The following ZNF385D variants were observed in gnomAD, a reference collection of about 807,000 sequenced individuals.
The protein encoded by ZNF385D is zinc finger protein 385D, also known as zinc finger protein 659.
Under a neutral mutation model 35.8 loss-of-function variants are expected in ZNF385D, and 15 were observed. The observed-to-expected ratio is 0.42, with a 90% CI of 0.28 to 0.64. ZNF385D has a LOEUF of 0.64. Ranked by LOEUF, ZNF385D falls within the 30% of genes least tolerant of loss-of-function variation. The pLI, the probability that ZNF385D is intolerant of heterozygous loss-of-function variation, is 0.23. For synonymous variants in ZNF385D, 212 were observed against 186.8 expected, an observed-to-expected ratio of 1.13 and a Z score of -1.10; for missense variants, 474 against 494.6, an observed-to-expected ratio of 0.96 and a Z score of 0.39.
chr3:22,299,313 C>T (rs1702769903), intron 2 of ZNF385D, among the ~76,000 whole-genome samples: 3 of 151,914 alleles, frequency 2.0e-5, no homozygotes, highest in Non-Finnish European at 2.9e-5. Flanking sequence ...GAAATGCACT[C>T]TTAAATAAAA....
At chr3:22,301,165 G>A (rs371668540) in intron 2 of ZNF385D, among the ~76,000 whole-genome samples, 2 of 152,012 alleles carry the variant, frequency 1.3e-5, no homozygotes, top group East Asian at 1.9e-4. Context: ...TTTGTTAAGC[G>A]AAATAAGCTG....
At chr3:21,467,225 T>TA (rs1703570502) in intron 4 of ZNF385D, among the ~76,000 whole-genome samples, 1 of 152,234 alleles carries the variant, frequency 6.6e-6, no homozygotes, top group South Asian at 2.1e-4. Context: ...GAACCTGACT[T>TA]ACTTTCCTAT....
chr3:22,053,182 T>C lies in ZNF385D; in HGVS notation c.325+115635A>G, dbSNP rs1699362848. ...TGGGCGTAGGACCCTCCGAGCCAGG[T>C]GTGGGATATAGTCTCACAATTAAAA... On this transcript the variant is annotated intron_variant, in intron 3 of 5. Coordinates refer to the ZNF385D transcript ENST00000494108. Among the ~76,000 whole-genome samples the C allele has an allele frequency of 2.2e-5, 2 of 89,346 alleles. 1 individual carries two copies. Among genetic ancestry groups the C allele is most frequent in the Admixed American group, 2.5e-4 (2 of 7,864 alleles). The allele number at this position is 89,346 out of a possible 152,430, so 58.6% of individuals were successfully genotyped here.
chr3:21,776,671 G>A (rs2071301841), intron 3 of ZNF385D, among the ~76,000 whole-genome samples: 1 of 151,750 alleles, frequency 6.6e-6, no homozygotes, highest in Non-Finnish European at 1.5e-5. Flanking sequence ...ATGAGATTCT[G>A]GAAATATAAT....
intron 2 of ZNF385D, among the ~76,000 whole-genome samples, chr3:21,629,726 T>C (rs13080801): frequency 0.59 from 90,207 of 152,016 alleles, 27,255 homozygotes; most frequent in Non-Finnish European, 0.64. Context: ...GTTCCCATGG[T>C]TTACCAGAGA....
chr3:21,955,395 G>A (rs191756865), intron 3 of ZNF385D, among the ~76,000 whole-genome samples: 4 of 152,196 alleles, frequency 2.6e-5, no homozygotes, highest in Admixed American at 2.6e-4. Context: ...GGAGGAAGAA[G>A]ATGGGTTCTC....
intron 2 of ZNF385D, among the ~76,000 whole-genome samples, chr3:21,578,034 C>CA (rs2063545155): frequency 6.6e-6 from 1 of 151,924 alleles, no homozygotes; most frequent in African/African-American, 2.4e-5. Context: ...AGGATGACCT[C>CA]AAACTCCTGG....
rs137932938 is a variant in ZNF385D at position 21,794,703 on chromosome 3, C to T, written c.326-129675G>A. ...ATGGGAGGAAGAGTCATCCAGGAGG[C>T]GATTACATTTTAATAATGGTAAATT... is the stretch of plus-strand genomic sequence containing the variant. On this transcript the variant is annotated intron_variant, in intron 3 of 5. Transcript: ENST00000494108. Among the ~76,000 whole-genome samples the T allele has an allele frequency of 1.8e-4, 28 of 152,102 alleles. No individual in the cohort carries two copies. The East Asian group carries it at 5.0e-3, about 27-fold the overall frequency.
chr3:21,861,640 T>A (rs765285147), intron 3 of ZNF385D, among the ~76,000 whole-genome samples: 2 of 152,246 alleles, frequency 1.3e-5, no homozygotes, highest in East Asian at 3.9e-4. Context: ...ATCCTTTTAA[T>A]AGCCATAGGT....
chr3:22,047,430 A>C (rs1001747943), intron 3 of ZNF385D, among the ~76,000 whole-genome samples: 9 of 151,960 alleles, frequency 5.9e-5, no homozygotes, highest in African/African-American at 2.2e-4. Context: ...TCTAGTAACC[A>C]CTATTGTACT....
intron 2 of ZNF385D, among the ~76,000 whole-genome samples, chr3:22,191,216 C>T (rs111272316): frequency 9.9e-5 from 15 of 151,992 alleles, no homozygotes; most frequent in Non-Finnish European, 1.0e-4. Flanking sequence ...TGCAGCCGGG[C>T]GCGGTGGCTC....
chr3:22,322,422 A>G (rs1204083504), intron 2 of ZNF385D, among the ~76,000 whole-genome samples: 1 of 152,158 alleles, frequency 6.6e-6, no homozygotes, highest in African/African-American at 2.4e-5. Context: ...ACTGTCCTCT[A>G]TCTCCCAGTA....
chr3:21,859,419 A>C (rs1023467170), intron 3 of ZNF385D, among the ~76,000 whole-genome samples: 10 of 152,002 alleles, frequency 6.6e-5, no homozygotes, highest in African/African-American at 1.9e-4. Context: ...AAAAAAAAAA[A>C]ACTGAAAACA....
intron 1 of ZNF385D, among the ~76,000 whole-genome samples, chr3:21,684,361 TTCTCC>T (rs1455371316): frequency 6.7e-4 from 74 of 110,244 alleles, no homozygotes; most frequent in East Asian, 2.0e-3. Flanking sequence ...TGGTTAACTG[TTCTCC>T]TCTCTCTCTC....
chr3:21,918,021 G>C (rs73042682), intron 3 of ZNF385D, among the ~76,000 whole-genome samples: 28,160 of 152,190 alleles, frequency 0.19, 2,795 homozygotes, highest in Middle Eastern at 0.23. Context: ...TGATTGCTCA[G>C]GGAGGACTTT....
At chr3:21,960,686 A>G (rs1416543802) in intron 3 of ZNF385D, among the ~76,000 whole-genome samples, 1 of 152,164 alleles carries the variant, frequency 6.6e-6, no homozygotes. Flanking sequence ...GAGTTAACCT[A>G]AATATTAATC....
At chr3:22,138,247 C>T (rs867496746) in intron 3 of ZNF385D, among the ~76,000 whole-genome samples, 3,033 of 152,050 alleles carry the variant, frequency 0.02, 105 homozygotes, top group African/African-American at 0.064. Flanking sequence ...CTGCCCAAGG[C>T]AATTTATAGA....
chr3:22,104,710 A>C (rs1418747036), intron 3 of ZNF385D, among the ~76,000 whole-genome samples: 3 of 152,164 alleles, frequency 2.0e-5, no homozygotes, highest in African/African-American at 7.2e-5. Context: ...AAATGGTTCC[A>C]ATCAAAAGCA....
At chr3:21,981,096 C>T (rs568546670) in intron 3 of ZNF385D, among the ~76,000 whole-genome samples, 1 of 152,188 alleles carries the variant, frequency 6.6e-6, no homozygotes, top group South Asian at 2.1e-4. Flanking sequence ...AATAGGACTG[C>T]TGGGTTGAAT....
Sources: gnomAD v4.1 joint callset for allele counts (sites outside exome capture counted in the v4.1 genomes callset) on GRCh38, gnomAD v4.1.1 for gene constraint, MANE v1.5 for transcripts, NCBI Gene and HGNC (gene_info 2026-07-23, HGNC 2026-07-21) for gene names.